The following NBEA variants were observed in gnomAD, a reference collection of about 807,000 sequenced individuals.
The protein encoded by NBEA is neurobeachin.
In NBEA, 44 loss-of-function variants were observed where a neutral mutation model predicts 343.4. The observed-to-expected ratio is 0.13, with a 90% CI of 0.10 to 0.16. NBEA has a LOEUF of 0.16. Ranked by LOEUF, NBEA falls within the 10% of genes least tolerant of loss-of-function variation. NBEA has a pLI of 1.00. For synonymous variants in NBEA, 1,175 were observed against 1,238.7 expected (o/e 0.95, Z 1.08); for missense variants, 2,555 against 3,631.3 (o/e 0.70, Z 7.62).
At chr13:35,178,859 G>A (rs1201112584) in intron 28 of NBEA, among the ~76,000 whole-genome samples, 1 of 151,314 alleles carries the variant, frequency 6.6e-6, no homozygotes, top group East Asian at 1.9e-4. Flanking sequence ...ATTTAGAAAT[G>A]GGAATAGTCA....
intron 30 of NBEA, among the ~76,000 whole-genome samples, chr13:35,190,585 GCAGATGATGGAAAA>G (rs1443352126): frequency 8.5e-5 from 13 of 152,262 alleles, no homozygotes; most frequent in African/African-American, 3.1e-4. Context: ...TTAAGTGGCT[GCAGATGATGGAAAA>G]CAGATTTTAC....
Position 35,654,843 on chromosome 13 carries a change from A to G in NBEA, c.8036-12A>G, listed in dbSNP as rs780332082. Reference sequence around the variant, plus strand: ...AATCTTTCTTCAAATGCTTTTTTCCATTTACTTTTAGCCAATAATTCAGGT... The same window carrying G: ...AATCTTTCTTCAAATGCTTTTTTCCGTTTACTTTTAGCCAATAATTCAGGT... On this transcript the variant is annotated splice_polypyrimidine_tract_variant and intron_variant, in intron 53 of 58. Transcript: ENST00000379939. 3.2e-6 allele frequency: 5 copies of G among 1,560,434 alleles called. No homozygotes were observed. Among genetic ancestry groups the G allele is most frequent in the South Asian group, 1.3e-5 (1 of 79,478 alleles).
chr13:35,007,197 CTTCT>C (rs1290314822), intron 1 of NBEA, among the ~76,000 whole-genome samples: 3 of 152,030 alleles, frequency 2.0e-5, no homozygotes, highest in Non-Finnish European at 4.4e-5. Context: ...TCAAACACTG[CTTCT>C]TTATTTCTTT....
chr13:35,617,063 T>G (rs948292753), intron 48 of NBEA, among the ~76,000 whole-genome samples: 5 of 152,240 alleles, frequency 3.3e-5, no homozygotes, highest in Non-Finnish European at 5.9e-5. Flanking sequence ...GTTTTACAAC[T>G]AATATATGAA....
chr13:35,520,977 G>C (rs1176896722), intron 41 of NBEA, among the ~76,000 whole-genome samples: 1 of 151,920 alleles, frequency 6.6e-6, no homozygotes, highest in African/African-American at 2.4e-5. Context: ...TTTGTCCATA[G>C]AGAAGAAAAT....
chr13:35,549,137 C>A (rs571020140), intron 41 of NBEA, among the ~76,000 whole-genome samples: 1 of 152,042 alleles, frequency 6.6e-6, no homozygotes, highest in African/African-American at 2.4e-5. Flanking sequence ...TTTAAATAGA[C>A]GTCTGACTGC....
At chr13:35,001,034 T>A (rs1236743551) in intron 1 of NBEA, among the ~76,000 whole-genome samples, 3 of 152,122 alleles carry the variant, frequency 2.0e-5, no homozygotes, top group African/African-American at 7.2e-5. Context: ...ACTCCTGGAC[T>A]CAGGTGATCC....
chr13:35,194,757 C>T (rs2072460719), intron 30 of NBEA, among the ~76,000 whole-genome samples: 1 of 151,996 alleles, frequency 6.6e-6, no homozygotes, highest in Non-Finnish European at 1.5e-5. Context: ...AACTTTATTA[C>T]ATTAACCTTT....
At chr13:34,947,580 C>G (rs776945779) in intron 1 of NBEA, among the ~76,000 whole-genome samples, 3 of 152,068 alleles carry the variant, frequency 2.0e-5, no homozygotes, top group Non-Finnish European at 4.4e-5. Context: ...CAGCATATCT[C>G]TTTGGCATCA....
At chr13:35,373,471 C>T (rs959554982) in intron 38 of NBEA, among the ~76,000 whole-genome samples, 10 of 151,994 alleles carry the variant, frequency 6.6e-5, no homozygotes, top group South Asian at 2.1e-4. Flanking sequence ...TTTGGGAGAT[C>T]GAGGCAGGCA....
chr13:35,656,403 A>G lies in NBEA; in HGVS notation c.8362+654A>G, dbSNP rs370293199. 1.1e-3 allele frequency among the ~76,000 whole-genome samples: 175 copies of G among 152,364 alleles called. 1 individual carries two copies. In the South Asian group the frequency reaches 0.034, roughly 29 times the overall value. ...CAGTGTTTATACTCAAACTTTCTAC[A>G]TAAGCTCTGAAAGTCTTACACAAAT... is the stretch of plus-strand genomic sequence containing the variant. On this transcript the variant is annotated intron_variant, in intron 55 of 58. Transcript: ENST00000379939.
intron 38 of NBEA, among the ~76,000 whole-genome samples, chr13:35,410,438 AAGAG>A (rs1566090833): frequency 6.6e-6 from 1 of 152,176 alleles, no homozygotes; most frequent in Non-Finnish European, 1.5e-5. Context: ...GGGGGAATGG[AAGAG>A]TGTCAGAGAA....
intron 39 of NBEA, among the ~76,000 whole-genome samples, chr13:35,432,863 A>G (rs1167447371): frequency 3.3e-5 from 5 of 152,010 alleles, no homozygotes; most frequent in African/African-American, 4.8e-5. Flanking sequence ...TACTGTGAGT[A>G]TATGTTTATG....
At chr13:35,610,341 C>T (rs1000600622) in intron 48 of NBEA, among the ~76,000 whole-genome samples, 13 of 151,896 alleles carry the variant, frequency 8.6e-5, no homozygotes, top group Non-Finnish European at 1.8e-4. Context: ...TGCAATGAGC[C>T]GAGATTGCGC....
chr13:34,946,887 C>T, intron 1 of NBEA, among the ~76,000 whole-genome samples: 1 of 140,234 alleles, frequency 7.1e-6, no homozygotes. Flanking sequence ...AGTAACTCTT[C>T]TTCCTTAGAG....
Position 35,118,278 on chromosome 13 carries a change from T to A in NBEA, c.2133T>A (p.Leu711=). Residue 711 remains leucine, a synonymous_variant, in exon 15 of 59, where the codon CTT becomes CTA. Transcript: ENST00000379939. ...TTCAGAGTATATTAAATTACCTACT[T>A]ACGATGCATGAGGTAGGACATGTTA... ...DELQSILNYL[L]TMHEDENIHD... The A allele has an allele frequency of 6.4e-7, 1 of 1,565,412 alleles. No homozygotes were observed. Among genetic ancestry groups the A allele is most frequent in the Non-Finnish European group, 8.7e-7 (1 of 1,153,486 alleles).
chr13:35,045,396 G>A lies in NBEA; in HGVS notation c.718G>A (p.Ala240Thr). 3 of 1,605,274 alleles carry A rather than the reference G, an allele frequency of 1.9e-6. No individual in the cohort carries two copies. The highest frequency in any genetic ancestry group is 2.6e-6 in the Non-Finnish European group (3 of 1,174,632). The change falls in exon 4 of 59, where the codon GCT becomes ACT. Residue 240 changes from alanine to threonine, a missense_variant. Physicochemically the swap from Ala to Thr is moderately conservative, Grantham distance 58. Coordinates refer to ENST00000379939, the MANE Select transcript of NBEA (RefSeq NM_001385012.1). Reference protein sequence around the residue: ...DTFFNFPGCSAAAIALPPIAK... With the variant: ...DTFFNFPGCSTAAIALPPIAK... ...TTTTTTCAATTTCCCTGGTTGTAGCGCTGCGGTAAGTTTTAAATACATGTG... is the reference window on the plus strand; with the variant it reads ...TTTTTTCAATTTCCCTGGTTGTAGCACTGCGGTAAGTTTTAAATACATGTG...
intron 2 of NBEA, among the ~76,000 whole-genome samples, chr13:35,043,980 C>T (rs192239039): frequency 2.6e-4 from 39 of 151,916 alleles, no homozygotes; most frequent in African/African-American, 9.4e-4. Flanking sequence ...ATTGAGAAAA[C>T]GAAGTATAAA....
intron 38 of NBEA, among the ~76,000 whole-genome samples, chr13:35,362,543 A>G (rs1442156171): frequency 6.6e-6 from 1 of 151,988 alleles, no homozygotes; most frequent in Non-Finnish European, 1.5e-5. Flanking sequence ...ACAGTTATTG[A>G]GTTAGACTAA....
Sources: allele counts gnomAD v4.1 joint callset (sites outside exome capture counted in the v4.1 genomes callset), GRCh38; gene constraint gnomAD v4.1.1; transcripts MANE v1.5; gene names NCBI Gene and HGNC (gene_info 2026-07-23, HGNC 2026-07-21).